Variants in OTOG observed in about 807,000 individuals in gnomAD.
OTOG encodes the protein otogelin.
Under a neutral mutation model 313.8 loss-of-function variants are expected in OTOG, and 296 were observed. That is an observed-to-expected ratio of 0.94 (90% CI 0.86 to 1.04). The LOEUF (loss-of-function observed/expected upper bound fraction) is 1.04, where lower values mean the gene tolerates loss of function less well. Among genes scored for constraint, OTOG ranks in the 50% least tolerant of loss-of-function variants. The pLI is 0.00. For missense variants in OTOG, 3,948 were observed against 3,840.1 expected, an observed-to-expected ratio of 1.03 and a Z score of -0.74; for synonymous variants, 1,533 against 1,554.9, an observed-to-expected ratio of 0.99 and a Z score of 0.33.
intron 15 of OTOG, among the ~76,000 whole-genome samples, chr11:17,565,543 C>T (rs913994649): frequency 6.6e-6 from 1 of 152,182 alleles, no homozygotes; most frequent in South Asian, 2.1e-4. Context: ...CTATGGGCAA[C>T]CCACACTTAC....
chr11:17,570,275 C>T lies in OTOG; in HGVS notation c.1840C>T (p.Arg614Trp), dbSNP rs201183725. ...FLRVRTNVGV[R>W]VLYDREGLRL... Reference sequence around the variant, plus strand: ...GCGGGTGAGGACGAACGTGGGCGTGCGGGTGCTCTACGACCGTGAAGGGCT... The same window carrying T: ...GCGGGTGAGGACGAACGTGGGCGTGTGGGTGCTCTACGACCGTGAAGGGCT... Residue 614 changes from arginine to tryptophan, a missense_variant, in exon 17 of 56, where the codon CGG becomes TGG. By Grantham distance (101) the Arg-to-Trp change is moderately radical. Transcript: ENST00000399397. 531 of 1,550,702 alleles carry T rather than the reference C, an allele frequency of 3.4e-4. 1 individual carries two copies. Among genetic ancestry groups the T allele is most frequent in the Non-Finnish European group, 3.9e-4 (444 of 1,147,038 alleles).
intron 51 of OTOG, among the ~76,000 whole-genome samples, chr11:17,641,489 G>T (rs1173915487): frequency 6.6e-6 from 1 of 152,132 alleles, no homozygotes; most frequent in Admixed American, 6.5e-5. Flanking sequence ...GGATAAAGAA[G>T]GTTAGAATTA....
intron 39 of OTOG, among the ~76,000 whole-genome samples, chr11:17,622,584 C>T (rs1355000914): frequency 6.6e-6 from 1 of 152,188 alleles, no homozygotes; most frequent in African/African-American, 2.4e-5. Flanking sequence ...TTAGATCCCA[C>T]ACTTGAGTGA....
At chr11:17,613,257 TTCTTTCTTTC>T (rs1313841031) in intron 38 of OTOG, among the ~76,000 whole-genome samples, 5 of 128,602 alleles carry the variant, frequency 3.9e-5, no homozygotes, top group African/African-American at 1.7e-4. Context: ...CTTTCTTTCT[TTCTTTCTTTC>T]TCTCTCTGTC....
intron 3 of OTOG, among the ~76,000 whole-genome samples, chr11:17,549,916 C>T (rs567157364): frequency 6.6e-6 from 1 of 152,334 alleles, no homozygotes; most frequent in African/African-American, 2.4e-5. Flanking sequence ...GGAATGCCCT[C>T]TTCATGAAGT....
intron 42 of OTOG, among the ~76,000 whole-genome samples, chr11:17,633,324 A>G (rs993678472): frequency 6.6e-6 from 1 of 152,262 alleles, no homozygotes; most frequent in African/African-American, 2.4e-5. Flanking sequence ...AGAGCCAGAA[A>G]GTAAGTATTT....
intron 15 of OTOG, among the ~76,000 whole-genome samples, chr11:17,564,081 C>G (rs1027337426): frequency 6.6e-6 from 1 of 152,104 alleles, no homozygotes; most frequent in African/African-American, 2.4e-5. Context: ...GACAGTGCCT[C>G]TTGACAGCAG....
intron 4 of OTOG, 85 bp from the exon 5 acceptor site, chr11:17,553,034 G>T (rs1851977445): frequency 5.5e-6 from 7 of 1,265,846 alleles, no homozygotes; most frequent in Non-Finnish European, 7.8e-6. Context: ...TGGGGGTCTG[G>T]ATCCTGTGAA....
chr11:17,613,327 CCCTTCCTTCCTTCCTTCCTTCCTT>C lies in OTOG; in HGVS notation c.6439-262_6439-239del, dbSNP rs10580062. ...CTTCTTTCCCTCCCTCTCTGCCCTGCCCTTCCTTCCTTCCTTCCTTCCTTCCTTCCTTCCTTCCTTCCTTCCCTC... is the reference window on the plus strand; with the variant it reads ...CTTCTTTCCCTCCCTCTCTGCCCTGCCCTTCCTTCCTTCCTTCCTTCCCTC... On this transcript the variant is annotated intron_variant, in intron 38 of 55. Transcript: ENST00000399397. Among the ~76,000 whole-genome samples, 114 of 102,452 alleles carry C rather than the reference CCCTTCCTTCCTTCCTTCCTTCCTT, an allele frequency of 1.1e-3. 1 individual carries two copies. Among genetic ancestry groups the C allele is most frequent in the Non-Finnish European group, 1.6e-3 (88 of 55,292 alleles). 67.2% of individuals were successfully genotyped at this position (102,452 alleles called of 152,430 possible).
chr11:17,609,342 C>G (rs552064505), intron 35 of OTOG, 133 bp downstream of exon 35: 1 of 810,112 alleles, frequency 1.2e-6, no homozygotes, highest in Non-Finnish European at 2.0e-6. Context: ...GAAAGAGGCA[C>G]AGGCACAGGG....
intron 40 of OTOG, 71 bp downstream of exon 40, chr11:17,629,387 C>G: frequency 6.9e-7 from 1 of 1,445,384 alleles, no homozygotes; most frequent in South Asian, 1.4e-5. Context: ...CATAATTCCT[C>G]CTGGAGCAGG....
At chr11:17,567,986 C>T (rs544821942) in intron 15 of OTOG, among the ~76,000 whole-genome samples, 14 of 152,218 alleles carry the variant, frequency 9.2e-5, no homozygotes, top group Non-Finnish European at 1.9e-4. Context: ...CGGCTCACTG[C>T]AAGCTCCGCC....
intron 32 of OTOG, among the ~76,000 whole-genome samples, chr11:17,604,643 C>G (rs1348819750): frequency 6.6e-6 from 1 of 152,246 alleles, no homozygotes; most frequent in East Asian, 1.9e-4. Flanking sequence ...CACCCCACAG[C>G]CCCCAGGATG....
At chr11:17,609,384 C>T (rs1853468213) in intron 35 of OTOG, among the ~76,000 whole-genome samples, 175 bp downstream of exon 35, 1 of 152,120 alleles carries the variant, frequency 6.6e-6, no homozygotes, top group Non-Finnish European at 1.5e-5. Flanking sequence ...CTATTCGCCC[C>T]ATTTCACAGA....
chr11:17,582,873 T>G (rs886089389), intron 23 of OTOG, among the ~76,000 whole-genome samples: 1 of 152,178 alleles, frequency 6.6e-6, no homozygotes, highest in Admixed American at 6.5e-5. Context: ...GTCAGGCATA[T>G]GTATTGCAAA....
chr11:17,602,349 A>C lies in OTOG; in HGVS notation c.3849A>C (p.Thr1283=). The C allele has an allele frequency of 6.4e-7, 1 of 1,550,542 alleles. No homozygotes were observed. Among genetic ancestry groups the C allele is most frequent in the Non-Finnish European group, 8.7e-7 (1 of 1,146,958 alleles). ...CAGACATTGTGAGCTTCCTGCTGAC[A>C]GCTGCTCTGTACAAGGCCAAGGCCC... ...APADIVSFLL[T]AALYKAKAHD... Residue 1283 remains threonine (T), a synonymous_variant, in exon 32 of 56, where the codon ACA becomes ACC. Coordinates refer to ENST00000399397, the MANE Select transcript of OTOG (RefSeq NM_001292063.2).
At chr11:17,547,533 A>G in intron 1 of OTOG, 67 bp downstream of exon 1, 1 of 1,279,482 alleles carries the variant, frequency 7.8e-7, no homozygotes, top group Non-Finnish European at 9.9e-7. Context: ...GGAATGAGGA[A>G]TGGGCCCGCG....
rs1481027648 is a variant in OTOG, at chr11:17,643,520, G to A, written c.8461+14G>A. The A allele has an allele frequency of 2.1e-6, 3 of 1,442,144 alleles. No individual in the cohort carries two copies. The highest frequency in any genetic ancestry group is 9.2e-7 in the Non-Finnish European group (1 of 1,091,212). 89.3% of individuals were successfully genotyped at this position (1,442,144 alleles called of 1,614,324 possible). On this transcript the variant is annotated intron_variant, in intron 54 of 55. Transcript: ENST00000399397. ...GCTGCAGGACCTGTGAGTGAGCATG[G>A]TGGGGGCCCAGGGGTGGGGGGCTCT...
intron 32 of OTOG, among the ~76,000 whole-genome samples, chr11:17,604,455 G>A (rs1395939334): frequency 6.6e-6 from 1 of 152,240 alleles, no homozygotes; most frequent in African/African-American, 2.4e-5. Flanking sequence ...TGCATCCCAT[G>A]GGTGGGGCCA....
Sources: allele counts gnomAD v4.1 joint callset (sites outside exome capture counted in the v4.1 genomes callset), GRCh38; gene constraint gnomAD v4.1.1; transcripts MANE v1.5; gene names NCBI Gene and HGNC (gene_info 2026-07-23, HGNC 2026-07-21).